SLC4A4: variants seen among roughly 807,000 people sequenced by gnomAD.
SLC4A4 encodes electrogenic sodium bicarbonate cotransporter 1.
SLC4A4 carries 27 observed loss-of-function variants against 111.5 expected under a neutral mutation model. The ratio of observed to expected loss-of-function variants is 0.24; its 90% CI spans 0.18 to 0.33. SLC4A4 has a LOEUF of 0.33. Among genes scored for constraint, SLC4A4 ranks in the 10% least tolerant of loss-of-function variants. The pLI, the probability that SLC4A4 is intolerant of heterozygous loss-of-function variation, is 1.00. For synonymous variants in SLC4A4, 443 were observed against 463.4 expected (o/e 0.96, Z 0.57); for missense variants, 909 against 1,315.5 (o/e 0.69, Z 4.78).
chr4:71,389,392 T>C (rs1719061387), intron 6 of SLC4A4, among the ~76,000 whole-genome samples: 1 of 152,240 alleles, frequency 6.6e-6, no homozygotes, highest in African/African-American at 2.4e-5. Context: ...CTTCGACTTA[T>C]TTTAGTTTCT....
At chr4:71,484,195 A>G (rs1235055694) in intron 14 of SLC4A4, among the ~76,000 whole-genome samples, 1 of 151,600 alleles carries the variant, frequency 6.6e-6, no homozygotes, top group Non-Finnish European at 1.5e-5. Flanking sequence ...CCATTTGTCA[A>G]TTTTTGCTTT....
intron 2 of SLC4A4, among the ~76,000 whole-genome samples, chr4:71,121,548 A>G (rs1423929043): frequency 1.3e-5 from 2 of 151,850 alleles, no homozygotes; most frequent in Non-Finnish European, 2.9e-5. Flanking sequence ...AGCACTCTGT[A>G]TCTAGCTAAT....
At chr4:71,364,737 A>T (rs1421352710) in intron 6 of SLC4A4, among the ~76,000 whole-genome samples, 3 of 152,204 alleles carry the variant, frequency 2.0e-5, no homozygotes, top group Non-Finnish European at 4.4e-5. Flanking sequence ...GGGGGATACA[A>T]ACATTCAGAT....
chr4:71,301,375 G>A (rs1725243613), intron 3 of SLC4A4: 2 of 195,728 alleles, frequency 1.0e-5, no homozygotes, highest in Admixed American at 6.1e-5. Context: ...GTAAGGGACT[G>A]GTGGCCCTTG....
At chr4:71,197,070 C>T (rs188118797) in intron 1 of SLC4A4, among the ~76,000 whole-genome samples, 2 of 151,644 alleles carry the variant, frequency 1.3e-5, no homozygotes, top group East Asian at 3.9e-4. Context: ...CAAAAATTAC[C>T]CAGGCATGGT....
intron 12 of SLC4A4, 33 bp downstream of exon 12, chr4:71,453,702 A>G (rs762165626): frequency 6.2e-7 from 1 of 1,610,124 alleles, no homozygotes; most frequent in South Asian, 1.1e-5. Flanking sequence ...CACAAATAGT[A>G]CAGCCCAGAT....
chr4:71,086,933 G>A (rs1005972267), intron 1 of SLC4A4, among the ~76,000 whole-genome samples: 1 of 152,038 alleles, frequency 6.6e-6, no homozygotes, highest in African/African-American at 2.4e-5. Context: ...ATGAGTTAGG[G>A]AGGATTCCCT....
At chr4:71,424,436 T>C (rs1359858548) in intron 7 of SLC4A4, among the ~76,000 whole-genome samples, 2 of 151,800 alleles carry the variant, frequency 1.3e-5, no homozygotes, top group African/African-American at 2.4e-5. Context: ...AGTGTGGCGA[T>C]TCCTCAGGGA....
At chr4:71,314,793 G>C (rs1198804862) in intron 3 of SLC4A4, among the ~76,000 whole-genome samples, 1 of 151,862 alleles carries the variant, frequency 6.6e-6, no homozygotes, top group East Asian at 1.9e-4. Flanking sequence ...GGGAGGGAGA[G>C]CATTAGGACA....
chr4:71,450,547 A>C lies in SLC4A4; in HGVS notation c.1208+4A>C, dbSNP rs747588886. 77 of 1,612,716 alleles carry C rather than the reference A, an allele frequency of 4.8e-5. No homozygotes were observed. The highest frequency in any genetic ancestry group is 1.0e-4 in the Admixed American group (6 of 59,830). ...GTCTTCCATCCTCTGACAAAAGGTA[A>C]ATTATAGGCAGTTGATAATTTTCAG... On this transcript the variant is annotated splice_donor_region_variant and intron_variant, in intron 10 of 25. Transcript: ENST00000264485.
chr4:71,243,269 A>T (rs1398348340), intron 2 of SLC4A4, among the ~76,000 whole-genome samples: 3 of 152,204 alleles, frequency 2.0e-5, no homozygotes, highest in Non-Finnish European at 4.4e-5. Flanking sequence ...TGCCACATAG[A>T]CTAGAATACT....
intron 2 of SLC4A4, among the ~76,000 whole-genome samples, chr4:71,169,190 T>A (rs113180539): frequency 2.6e-5 from 4 of 151,008 alleles, no homozygotes; most frequent in Middle Eastern, 3.4e-3. Flanking sequence ...TTTTTTTTTT[T>A]AATTTAGTAG....
chr4:71,443,507 T>C (rs1560513586), intron 8 of SLC4A4, among the ~76,000 whole-genome samples: 1 of 152,058 alleles, frequency 6.6e-6, no homozygotes. Context: ...CATTTTGCAG[T>C]TGAGAGATGA....
intron 7 of SLC4A4, among the ~76,000 whole-genome samples, chr4:71,412,050 C>A (rs963000776): frequency 1.3e-5 from 2 of 152,164 alleles, no homozygotes; most frequent in Non-Finnish European, 2.9e-5. Flanking sequence ...ACGTTATTAT[C>A]AGATTTACAA....
intron 3 of SLC4A4, among the ~76,000 whole-genome samples, chr4:71,270,620 G>T (rs1291913071): frequency 1.3e-5 from 2 of 152,148 alleles, no homozygotes; most frequent in African/African-American, 2.4e-5. Context: ...AGAGCTACTT[G>T]GTTCTAACCC....
rs1718054110 is a variant in SLC4A4 at position 71,380,694 on chromosome 4, A to G, written c.731-16883A>G. On this transcript the variant is annotated intron_variant, in intron 6 of 25. Transcript: ENST00000264485. ...ATCAAAGATTGTTCTACTGTAATCT[A>G]GCCTATCTGACACGGAGTGTTTGAG... Among the ~76,000 whole-genome samples the G allele has an allele frequency of 2.0e-5, 3 of 152,186 alleles. No homozygotes were observed. The South Asian group carries it at 6.2e-4, about 32-fold the overall frequency.
chr4:71,292,952 C>T (rs980067170), intron 3 of SLC4A4, among the ~76,000 whole-genome samples: 3 of 149,108 alleles, frequency 2.0e-5, no homozygotes, highest in African/African-American at 7.5e-5. Context: ...AGTGATTCTC[C>T]TGCCTCAGCC....
At chr4:71,511,583 T>C (rs916235971) in intron 16 of SLC4A4, among the ~76,000 whole-genome samples, 2 of 152,254 alleles carry the variant, frequency 1.3e-5, no homozygotes, top group South Asian at 4.1e-4. Context: ...TGCACAAATT[T>C]ATGGGGTATG....
chr4:71,546,888 G>A (rs1560609003), intron 19 of SLC4A4, among the ~76,000 whole-genome samples: 1 of 151,952 alleles, frequency 6.6e-6, no homozygotes, highest in East Asian at 1.9e-4. Flanking sequence ...TTAAGATTCT[G>A]TAATGGGAAA....
Sources: allele counts gnomAD v4.1 joint callset (sites outside exome capture counted in the v4.1 genomes callset), GRCh38; gene constraint gnomAD v4.1.1; transcripts MANE v1.5; gene names NCBI Gene and HGNC (gene_info 2026-07-23, HGNC 2026-07-21).